EP300: variants seen among roughly 807,000 people sequenced by gnomAD.
The protein encoded by EP300 is EP300 lysine acetyltransferase, also known as histone acetyltransferase p300.
A neutral mutation model predicts 264.0 loss-of-function variants in EP300; 31 were observed. The observed-to-expected ratio is 0.12, with a 90% CI of 0.09 to 0.16. The LOEUF (loss-of-function observed/expected upper bound fraction) is 0.16. Among genes scored for constraint, EP300 ranks in the 10% least tolerant of loss-of-function variants. The probability of loss-of-function intolerance (pLI) is 1.00; values close to 1 mark genes in which losing one functional copy is unlikely to be tolerated. For synonymous variants in EP300, 1,340 were observed against 1,045.4 expected (o/e 1.28, Z -5.44); for missense variants, 2,766 against 3,052.9 (o/e 0.91, Z 2.21).
rs754928894 is a variant in EP300 at position 41,149,861 on chromosome 22, T to A, written c.2480T>A (p.Leu827His). 1 of 1,614,066 alleles carries A rather than the reference T, an allele frequency of 6.2e-7. No homozygotes were observed. The highest frequency in any genetic ancestry group is 1.1e-5 in the South Asian group (1 of 91,072). ...IHCPQLPQPA[L>H]HQNSPSPVPS... ...TGTCCCCAGCTTCCTCAACCAGCTC[T>A]TCATCAGAATTCACCCTCGCCTGTA... The change falls in exon 14 of 31, where the codon CTT becomes CAT. Residue 827 changes from leucine (L) to histidine (H), a missense_variant. Transcript: ENST00000263253.
At chr22:41,100,618 C>T (rs1048797072) in intron 1 of EP300, among the ~76,000 whole-genome samples, 3 of 152,066 alleles carry the variant, frequency 2.0e-5, no homozygotes, top group African/African-American at 7.3e-5. Flanking sequence ...GTCATTATTC[C>T]CTAAACAATA....
chr22:41,117,733 G>A lies in EP300; in HGVS notation c.641G>A (p.Ser214Asn), dbSNP rs2058829590. ...NMQYPNPGMGSAGNLLTEPLQ... is the reference protein window; with the variant it reads ...NMQYPNPGMGNAGNLLTEPLQ... ...CAGTACCCAAACCCAGGCATGGGAA[G>A]TGCTGGCAACTTACTGACTGAGCCT... Residue 214 changes from serine (S) to asparagine (N), a missense_variant, in exon 2 of 31, where the codon AGT becomes AAT. Physicochemically the swap from Ser to Asn is conservative, Grantham distance 46. Coordinates refer to ENST00000263253, the MANE Select transcript of EP300 (RefSeq NM_001429.4). 2 of 1,614,248 alleles carry A rather than the reference G, an allele frequency of 1.2e-6. No homozygotes were observed. Among genetic ancestry groups the A allele is most frequent in the East Asian group, 4.5e-5 (2 of 44,888 alleles).
At chr22:41,094,433 ATGAAT>A (rs1051384506) in intron 1 of EP300, among the ~76,000 whole-genome samples, 9 of 152,230 alleles carry the variant, frequency 5.9e-5, no homozygotes, top group African/African-American at 9.6e-5. Flanking sequence ...AAGATGTGAA[ATGAAT>A]TTAAGTTAAC....
chr22:41,152,901 G>A (rs2059055349), intron 16 of EP300, among the ~76,000 whole-genome samples: 1 of 152,062 alleles, frequency 6.6e-6, no homozygotes, highest in Admixed American at 6.5e-5. Context: ...GGGACTGCAT[G>A]CGCATGCCAC....
intron 29 of EP300, among the ~76,000 whole-genome samples, chr22:41,175,630 T>C (rs1284532417): frequency 6.6e-6 from 1 of 152,228 alleles, no homozygotes; most frequent in African/African-American, 2.4e-5. Context: ...TCCAGGCCAG[T>C]TGTTTTTCAT....
chr22:41,172,475 A>G (rs1236765946), intron 27 of EP300, 24 bp from the exon 28 acceptor site: 8 of 1,578,592 alleles, frequency 5.1e-6, no homozygotes, highest in African/African-American at 1.3e-5. Flanking sequence ...AGAAATTCCT[A>G]TATGTACATG....
intron 1 of EP300, among the ~76,000 whole-genome samples, chr22:41,111,456 A>G (rs1180750562): frequency 6.6e-6 from 1 of 152,188 alleles, no homozygotes; most frequent in Non-Finnish European, 1.5e-5. Context: ...GTGATGATAT[A>G]TGTATTTGCT....
chr22:41,096,612 C>CTTTTTTT, intron 1 of EP300, among the ~76,000 whole-genome samples: 1 of 104,454 alleles, frequency 9.6e-6, no homozygotes, highest in African/African-American at 3.9e-5. Flanking sequence ...GTCAGCTCTA[C>CTTTTTTT]TTTTTTTTTT....
chr22:41,162,119 C>T (rs1162206966), intron 20 of EP300, among the ~76,000 whole-genome samples: 1 of 152,154 alleles, frequency 6.6e-6, no homozygotes, highest in Non-Finnish European at 1.5e-5. Flanking sequence ...TTCTAACTCC[C>T]AGATTGTTCT....
At chr22:41,125,827 A>G (rs2058878756) in intron 2 of EP300, 37 bp from the exon 3 acceptor site, 2 of 1,596,150 alleles carry the variant, frequency 1.3e-6, no homozygotes, top group Non-Finnish European at 1.7e-6. Flanking sequence ...CTTAAATTTT[A>G]TTGCTTATTT....
intron 7 of EP300, 90 bp downstream of exon 7, chr22:41,135,996 G>A (rs1173216045): frequency 1.6e-5 from 16 of 990,226 alleles, no homozygotes; most frequent in East Asian, 2.5e-5. Flanking sequence ...TAGTTTCCTC[G>A]GTTTGAGGAT....
chr22:41,135,261 T>G (rs1318762611), intron 6 of EP300, among the ~76,000 whole-genome samples: 1 of 152,202 alleles, frequency 6.6e-6, no homozygotes, highest in Non-Finnish European at 1.5e-5. Flanking sequence ...TTTAGTAGGT[T>G]GTTGTCTTCC....
At position 41,178,237 on chromosome 22, in the gene EP300, C is replaced by A. The variant is rs779543207; in HGVS notation, c.6526C>A (p.Pro2176Thr). 1.9e-6 allele frequency: 3 copies of A among 1,614,116 alleles called. No homozygotes were observed. The change falls in exon 31 of 31, where the codon CCT (proline) becomes ACT (threonine). Residue 2176 changes from proline (P) to threonine (T), a missense_variant. Physicochemically the swap from Pro to Thr is conservative, Grantham distance 38. Transcript: ENST00000263253. ...QQMNMNHNTM[P>T]SQFRDILRRQ... ...GATGAACATGAACCACAACACCATG[C>A]CTTCACAATTCCGAGACATCTTGAG...
chr22:41,171,002 C>A (rs1258141661), intron 27 of EP300, among the ~76,000 whole-genome samples: 1 of 146,558 alleles, frequency 6.8e-6, no homozygotes. Context: ...GCTTGTTCTA[C>A]CTCTTGCATG....
intron 6 of EP300, among the ~76,000 whole-genome samples, chr22:41,135,325 G>GT (rs1286477827): frequency 6.6e-6 from 1 of 152,132 alleles, no homozygotes; most frequent in Non-Finnish European, 1.5e-5. Context: ...GTTTTTCAAA[G>GT]TTATGTTTAT....
intron 10 of EP300, among the ~76,000 whole-genome samples, chr22:41,142,757 G>C (rs1269867464): frequency 6.6e-6 from 1 of 151,980 alleles, no homozygotes; most frequent in East Asian, 1.9e-4. Context: ...ATGGTGGCGG[G>C]CACCTGTAGT....
At chr22:41,165,357 TTC>T (rs1303075493) in intron 22 of EP300, among the ~76,000 whole-genome samples, 5 of 152,244 alleles carry the variant, frequency 3.3e-5, no homozygotes, top group Non-Finnish European at 7.3e-5. Context: ...CGGTCTCAGC[TTC>T]TCTCTTCCCA....
chr22:41,116,211 G>T (rs2058820769), intron 1 of EP300, among the ~76,000 whole-genome samples: 1 of 151,782 alleles, frequency 6.6e-6, no homozygotes, highest in African/African-American at 2.4e-5. Flanking sequence ...ACATTATTTA[G>T]AATGTTTTTC....
At chr22:41,151,349 A>G (rs1373724112) in intron 14 of EP300, among the ~76,000 whole-genome samples, 1 of 152,236 alleles carries the variant, frequency 6.6e-6, no homozygotes, top group Non-Finnish European at 1.5e-5. Context: ...GACAAGCCTT[A>G]GGATAAAGAT....
Sources: allele counts gnomAD v4.1 joint callset (sites outside exome capture counted in the v4.1 genomes callset), GRCh38; gene constraint gnomAD v4.1.1; transcripts MANE v1.5; gene names NCBI Gene and HGNC (gene_info 2026-07-23, HGNC 2026-07-21).